MCF2L: variants seen among roughly 807,000 people sequenced by gnomAD.
The protein encoded by MCF2L is guanine nucleotide exchange factor DBS.
Under a neutral mutation model 153.4 loss-of-function variants are expected in MCF2L, and 97 were observed. That is an observed-to-expected ratio of 0.63 (90% CI 0.54 to 0.75). The LOEUF is 0.75. MCF2L is among the 30% of genes least tolerant of loss of function. The pLI is 0.00. For missense variants in MCF2L, 1,347 were observed against 1,495.2 expected, an observed-to-expected ratio of 0.90 and a Z score of 1.64; for synonymous variants, 659 against 632.2, an observed-to-expected ratio of 1.04 and a Z score of -0.64.
chr13:113,001,606 G>A, intron 1 of MCF2L: 1 of 1,072,062 alleles, frequency 9.3e-7, no homozygotes, highest in Non-Finnish European at 1.2e-6. Flanking sequence ...GTCTAGACAA[G>A]CAACACCAGG....
chr13:113,041,258 C>CCT (rs1333561445), intron 3 of MCF2L, among the ~76,000 whole-genome samples: 1 of 152,200 alleles, frequency 6.6e-6, no homozygotes, highest in Non-Finnish European at 1.5e-5. Context: ...GCCACACCAC[C>CCT]CTCTCCCTCA....
intron 2 of MCF2L, among the ~76,000 whole-genome samples, chr13:112,946,947 C>T (rs2081643914): frequency 6.6e-6 from 1 of 152,184 alleles, no homozygotes; most frequent in Non-Finnish European, 1.5e-5. Flanking sequence ...GGAGCAGTGG[C>T]AGGGTGAGTT....
At chr13:112,985,151 G>A (rs754231983) in intron 1 of MCF2L, 3 of 298,244 alleles carry the variant, frequency 1.0e-5, no homozygotes, top group Non-Finnish European at 2.0e-5. Flanking sequence ...CGGGCACGGT[G>A]TGTCGCCTGG....
At position 113,045,317 on chromosome 13, in the gene MCF2L, C is replaced by A. The variant is rs143150757; in HGVS notation, c.325C>A (p.Arg109=). Residue 109 remains arginine (R), a synonymous_variant, in exon 4 of 30, where the codon CGG becomes AGG. Transcript: ENST00000535094. This position sits in a 1 kb window ranked among gnomAD's most constrained non-coding sequence, Gnocchi z 4.2. ...IGFILVIDRR[R]DKWTSVKASV... is the part of the protein sequence containing the mutation. ...ATTCATCCTGGTGATAGACCGGCGA[C>A]GGGACAAATGGACCTCCGTGAAGGC... 2 of 1,614,096 alleles carry A rather than the reference C, an allele frequency of 1.2e-6. No individual in the cohort carries two copies. The highest frequency in any genetic ancestry group is 1.7e-6 in the Non-Finnish European group (2 of 1,180,028).
rs977234002 is a variant in MCF2L at position 112,951,734 on chromosome 13, A to C, written c.169+49363A>C. 3.9e-5 allele frequency among the ~76,000 whole-genome samples: 6 copies of C among 152,312 alleles called. No homozygotes were observed. The highest frequency in any genetic ancestry group is 1.4e-4 in the African/African-American group (6 of 41,574). On this transcript the variant is annotated intron_variant, in intron 2 of 29. Transcript: ENST00000375608. The surrounding 1 kb of genome is among the most constrained non-coding windows in gnomAD (Gnocchi z 4.8). The stretch of plus-strand genomic sequence containing the variant: ...AGGGTCCTGTGGGTAGAGACAGCCC[A>C]GGTCTGGCTGCGTCATTGTCAGTAT...
At chr13:113,017,428 C>T (rs1210626462) in intron 2 of MCF2L, among the ~76,000 whole-genome samples, 1 of 152,216 alleles carries the variant, frequency 6.6e-6, no homozygotes, top group Non-Finnish European at 1.5e-5. Context: ...TGCCTTTCTC[C>T]CGGGACACCC....
chr13:113,060,783 A>G (rs966223787), intron 5 of MCF2L, 71 bp downstream of exon 5: 5 of 1,579,864 alleles, frequency 3.2e-6, no homozygotes, highest in African/African-American at 2.7e-5. Context: ...ATCTGTGATC[A>G]TCGAAATCCT....
In MCF2L at chr13:113,057,521, TTGGG is replaced by T. The variant is rs545158236; in HGVS notation, c.370-3069_370-3066del. ...CGCTGAGTGTTTGGGTGCTGAGTGT[TTGGG>T]TGCTGAGTGTTTAGTAGCTGCGTGT... On this transcript the variant is annotated intron_variant, in intron 4 of 29. Coordinates refer to ENST00000535094, the MANE Select transcript of MCF2L (RefSeq NM_001112732.3). Among the ~76,000 whole-genome samples, 191 of 134,486 alleles carry T rather than the reference TTGGG, an allele frequency of 1.4e-3. 1 individual carries two copies. The highest frequency in any genetic ancestry group is 5.3e-3 in the African/African-American group (186 of 35,200). The allele number at this position is 134,486 out of a possible 152,430, so 88.2% of individuals were successfully genotyped here.
At chr13:112,917,820 A>C (rs151270403) in intron 2 of MCF2L, among the ~76,000 whole-genome samples, 6 of 152,202 alleles carry the variant, frequency 3.9e-5, no homozygotes, top group African/African-American at 1.4e-4. Flanking sequence ...CTCCTTACTA[A>C]GGTTGAAGAC....
At chr13:112,928,217 G>A (rs907179401) in intron 2 of MCF2L, among the ~76,000 whole-genome samples, 1 of 152,198 alleles carries the variant, frequency 6.6e-6, no homozygotes, top group Non-Finnish European at 1.5e-5. Context: ...GGTGAAACGC[G>A]GCCGGCCGTG....
upstream of MCF2L, chr13:112,967,985 G>A (rs1324008611): frequency 5.1e-6 from 1 of 194,984 alleles, no homozygotes; most frequent in African/African-American, 2.4e-5. Flanking sequence ...TTGGACGCTG[G>A]AATGCTGGCG....
At chr13:113,024,553 T>A (rs2085103108) in intron 2 of MCF2L, 91 bp from the exon 3 acceptor site, 3 of 735,388 alleles carry the variant, frequency 4.1e-6, no homozygotes, top group Non-Finnish European at 7.3e-6. Flanking sequence ...TTAACTGAAA[T>A]ACTGGGTGCT....
intron 20 of MCF2L, among the ~76,000 whole-genome samples, chr13:113,085,866 T>C (rs2034590677): frequency 7.2e-6 from 1 of 138,358 alleles, no homozygotes; most frequent in Admixed American, 7.0e-5. Flanking sequence ...GTGCGAGGGG[T>C]TTGCACCTGG....
intron 2 of MCF2L, among the ~76,000 whole-genome samples, chr13:112,948,456 A>T (rs2081659292): frequency 6.6e-6 from 1 of 152,228 alleles, no homozygotes; most frequent in Admixed American, 6.5e-5. Flanking sequence ...CTTCTGCCAA[A>T]TTATCTTAGT....
At chr13:113,002,722 G>A (rs966895935) in intron 1 of MCF2L, among the ~76,000 whole-genome samples, 4 of 152,304 alleles carry the variant, frequency 2.6e-5, no homozygotes, top group African/African-American at 9.6e-5. Flanking sequence ...TGGAGTACTC[G>A]TTTTCAAGAG....
At chr13:112,965,326 A>G (rs557259052), upstream of MCF2L, 11 of 152,368 alleles carry the variant, frequency 7.2e-5, no homozygotes, top group African/African-American at 2.6e-4. Context: ...AGGCTGTCAC[A>G]TACCCAGGTG....
At chr13:113,065,208 G>GT in intron 7 of MCF2L, 123 bp downstream of exon 7, 2 of 1,211,032 alleles carry the variant, frequency 1.7e-6, no homozygotes, top group Non-Finnish European at 2.4e-6. Context: ...TCAGCAGCAC[G>GT]TAAGACCAAG....
In MCF2L at chr13:112,907,485, G is replaced by A. The variant is rs377733552; in HGVS notation, c.169+5114G>A. 3.2e-4 allele frequency among the ~76,000 whole-genome samples: 48 copies of A among 152,210 alleles called. No homozygotes were observed. The highest frequency in any genetic ancestry group is 8.7e-4 in the African/African-American group (36 of 41,534). Reference sequence around the variant, plus strand: ...TCGGTGTTTCCAGCATGGGTCAGTCGCGGCTTGGTGGAGAATGGCTGAATC... The same window carrying A: ...TCGGTGTTTCCAGCATGGGTCAGTCACGGCTTGGTGGAGAATGGCTGAATC... On this transcript the variant is annotated intron_variant, in intron 2 of 29. Coordinates refer to the MCF2L transcript ENST00000375608. The surrounding 1 kb of genome is among the most constrained non-coding windows in gnomAD (Gnocchi z 5.1).
intron 2 of MCF2L, among the ~76,000 whole-genome samples, chr13:112,935,999 G>A (rs1017055123): frequency 2.0e-5 from 3 of 152,192 alleles, no homozygotes. Flanking sequence ...CCAGCCCTTG[G>A]CTGGGCATGT....
Sources: gnomAD v4.1 joint callset for allele counts (sites outside exome capture counted in the v4.1 genomes callset) on GRCh38, gnomAD v4.1.1 for gene constraint, Gnocchi (gnomAD v3.1) non-coding constraint, MANE v1.5 for transcripts, NCBI Gene and HGNC (gene_info 2026-07-23, HGNC 2026-07-21) for gene names.